AGBL1: variants seen among roughly 807,000 people sequenced by gnomAD.
AGBL1 encodes AGBL carboxypeptidase 1.
AGBL1 carries 130 observed loss-of-function variants against 118.9 expected under a neutral mutation model. The observed-to-expected ratio is 1.09, with a 90% CI of 0.95 to 1.26. AGBL1 has a LOEUF of 1.26. Ranked by LOEUF, AGBL1 falls within the 50% of genes most tolerant of loss-of-function variation. The probability of loss-of-function intolerance (pLI) is 0.00; values close to 1 mark genes in which losing one functional copy is unlikely to be tolerated. For synonymous variants in AGBL1, 555 were observed against 478.9 expected, an observed-to-expected ratio of 1.16 and a Z score of -2.08; for missense variants, 1,584 against 1,298.1, an observed-to-expected ratio of 1.22 and a Z score of -3.38.
chr15:86,264,208 C>A, intron 10 of AGBL1, 50 bp from the exon 11 acceptor site: 1 of 1,391,836 alleles, frequency 7.2e-7, no homozygotes, highest in South Asian at 1.4e-5. Context: ...AATTGTATTC[C>A]CTACCTGGAA....
At chr15:86,703,521 C>T (rs7173650) in intron 22 of AGBL1, among the ~76,000 whole-genome samples, 85,008 of 152,026 alleles carry the variant, frequency 0.56, 26,122 homozygotes, top group East Asian at 0.84. Flanking sequence ...TAGAACAGTG[C>T]GATAAAATAA....
chr15:86,521,398 A>C (rs1191169117), intron 18 of AGBL1, among the ~76,000 whole-genome samples: 1 of 152,192 alleles, frequency 6.6e-6, no homozygotes, highest in Non-Finnish European at 1.5e-5. Context: ...ACTATATTAG[A>C]GTTTTGATGG....
intron 4 of AGBL1, 125 bp downstream of exon 4, chr15:86,154,686 G>A: frequency 1.6e-6 from 2 of 1,223,360 alleles, no homozygotes; most frequent in South Asian, 1.8e-5. Flanking sequence ...GTCCCAGCCA[G>A]ATAAATAAAA....
At chr15:86,290,756 T>C (rs1345288991) in intron 16 of AGBL1, among the ~76,000 whole-genome samples, 1 of 151,978 alleles carries the variant, frequency 6.6e-6, no homozygotes, top group African/African-American at 2.4e-5. Flanking sequence ...TAGTTACATA[T>C]GTATACATGT....
At chr15:86,922,894 T>C (rs2080494634) in intron 23 of AGBL1, among the ~76,000 whole-genome samples, 1 of 152,130 alleles carries the variant, frequency 6.6e-6, no homozygotes, top group Non-Finnish European at 1.5e-5. Context: ...TTTAGGAAAC[T>C]AGGAGAAATA....
chr15:86,230,956 C>T (rs982695060), intron 6 of AGBL1, among the ~76,000 whole-genome samples: 12 of 152,158 alleles, frequency 7.9e-5, no homozygotes, highest in South Asian at 2.1e-4. Flanking sequence ...TCTTACCTCC[C>T]CCATCCCCCT....
intron 17 of AGBL1, among the ~76,000 whole-genome samples, chr15:86,333,736 G>A (rs994633632): frequency 1.3e-5 from 2 of 152,000 alleles, no homozygotes; most frequent in African/African-American, 4.8e-5. Flanking sequence ...AATGAGAAAA[G>A]GAAACTACAG....
intron 18 of AGBL1, among the ~76,000 whole-genome samples, chr15:86,459,784 C>T (rs769187057): frequency 5.3e-4 from 81 of 152,078 alleles, no homozygotes; most frequent in African/African-American, 2.4e-4. Context: ...CAAGTCCTAC[C>T]GCATTCTGCC....
chr15:86,608,268 C>G (rs2084608436), intron 21 of AGBL1, among the ~76,000 whole-genome samples: 2 of 152,102 alleles, frequency 1.3e-5, no homozygotes, highest in African/African-American at 4.8e-5. Flanking sequence ...ATAATCTCTA[C>G]TATGTTAGGG....
At chr15:86,709,516 C>T (rs909936859) in intron 22 of AGBL1, among the ~76,000 whole-genome samples, 1 of 152,090 alleles carries the variant, frequency 6.6e-6, no homozygotes, top group Non-Finnish European at 1.5e-5. Context: ...AATATATTTT[C>T]CTTTCTGTAT....
chr15:86,720,984 C>G (rs566424204), intron 22 of AGBL1, among the ~76,000 whole-genome samples: 2 of 152,052 alleles, frequency 1.3e-5, no homozygotes, highest in African/African-American at 4.8e-5. Context: ...CAATAACAGG[C>G]TCTGAAATTG....
intron 21 of AGBL1, among the ~76,000 whole-genome samples, chr15:86,609,968 A>C (rs2084634482): frequency 6.6e-6 from 1 of 152,186 alleles, no homozygotes; most frequent in African/African-American, 2.4e-5. Context: ...TTCTGTGAAC[A>C]CACCACTTGT....
intron 16 of AGBL1, among the ~76,000 whole-genome samples, chr15:86,290,338 TC>T (rs1164170904): frequency 7.2e-6 from 1 of 138,738 alleles, no homozygotes; most frequent in African/African-American, 2.6e-5. Context: ...GTCCTTCTTT[TC>T]TTTCTTTTTT....
At chr15:86,225,033 CTT>C (rs35578252) in intron 6 of AGBL1, 82 bp downstream of exon 6, 21,172 of 994,664 alleles carry the variant, frequency 0.021, no homozygotes, top group South Asian at 0.03. Context: ...ATGGCTGTTT[CTT>C]TTTTTTTTTT....
rs573265671 is a variant in AGBL1 at position 86,256,821 on chromosome 15, T to G, written c.736-32T>G. 2.5e-5 allele frequency: 40 copies of G among 1,610,254 alleles called. No homozygotes were observed. The South Asian group carries it at 3.6e-4, about 15-fold the overall frequency. ...ACAGCTAGGGGACTGTGCCCAGATG[T>G]TGGCATCTGATATAATCTTCCCTTT... On this transcript the variant is annotated intron_variant, in intron 7 of 22. Coordinates refer to ENST00000614907, the MANE Select transcript of AGBL1 (RefSeq NM_001386094.1).
intron 1 of AGBL1, among the ~76,000 whole-genome samples, chr15:86,081,393 T>C (rs547011944): frequency 6.6e-6 from 1 of 152,276 alleles, no homozygotes; most frequent in South Asian, 2.1e-4. Context: ...TAAGAACCAA[T>C]AAGTGCAACC....
At chr15:86,440,557 C>A (rs2082051630) in intron 18 of AGBL1, among the ~76,000 whole-genome samples, 1 of 151,880 alleles carries the variant, frequency 6.6e-6, no homozygotes, top group Non-Finnish European at 1.5e-5. Flanking sequence ...AATGTGCCTA[C>A]CATTTCATAG....
chr15:86,818,134 TGAGA>T (rs1419202160), intron 22 of AGBL1, among the ~76,000 whole-genome samples: 9 of 151,696 alleles, frequency 5.9e-5, no homozygotes, highest in South Asian at 4.2e-4. Context: ...CACATGCGCG[TGAGA>T]GAGAGTGTTG....
intron 17 of AGBL1, among the ~76,000 whole-genome samples, chr15:86,335,934 G>T (rs1016998091): frequency 1.3e-5 from 2 of 152,138 alleles, no homozygotes; most frequent in Admixed American, 1.3e-4. Flanking sequence ...GTTTTATTTC[G>T]ATAAGCTTCA....
Sources: gnomAD v4.1 joint callset for allele counts (sites outside exome capture counted in the v4.1 genomes callset) on GRCh38, gnomAD v4.1.1 for gene constraint, MANE v1.5 for transcripts, NCBI Gene and HGNC (gene_info 2026-07-23, HGNC 2026-07-21) for gene names.